SMARCAL1: variants seen among roughly 807,000 people sequenced by gnomAD.
The protein encoded by SMARCAL1 is SNF2 related chromatin remodeling annealing helicase 1.
A neutral mutation model predicts 94.5 loss-of-function variants in SMARCAL1; 58 were observed. That is an observed-to-expected ratio of 0.61 (90% CI 0.50 to 0.76). The LOEUF (loss-of-function observed/expected upper bound fraction) is 0.76. SMARCAL1 is among the 30% of genes least tolerant of loss of function. SMARCAL1 has a pLI of 0.00. For missense variants in SMARCAL1, 1,051 were observed against 1,177.9 expected (o/e 0.89, Z 1.58); for synonymous variants, 422 against 455.1 (o/e 0.93, Z 0.93).
At chr2:216,452,099 A>C (rs1694462383) in intron 12 of SMARCAL1, among the ~76,000 whole-genome samples, 1 of 152,258 alleles carries the variant, frequency 6.6e-6, no homozygotes, top group Non-Finnish European at 1.5e-5. Context: ...ATGCTGTATT[A>C]CATATAATAA....
intron 11 of SMARCAL1, 124 bp downstream of exon 11, chr2:216,447,282 A>G (rs1694339974): frequency 1.6e-6 from 2 of 1,226,768 alleles, no homozygotes; most frequent in South Asian, 2.4e-5. Context: ...AATGGATTTT[A>G]GTCTTTCTGT....
intron 7 of SMARCAL1, 124 bp downstream of exon 7, chr2:216,428,906 G>T: frequency 1.1e-6 from 1 of 910,096 alleles, no homozygotes; most frequent in Middle Eastern, 2.4e-4. Context: ...AAATTTAGAA[G>T]AGTCTAGGCA....
At chr2:216,462,178 T>G (rs1179153024) in intron 12 of SMARCAL1, among the ~76,000 whole-genome samples, 1 of 152,256 alleles carries the variant, frequency 6.6e-6, no homozygotes, top group African/African-American at 2.4e-5. Context: ...CTCTAGGTGC[T>G]AAATGTTAGA....
At chr2:216,448,276 G>C (rs1473490754) in intron 11 of SMARCAL1, among the ~76,000 whole-genome samples, 1 of 152,114 alleles carries the variant, frequency 6.6e-6, no homozygotes, top group Non-Finnish European at 1.5e-5. Flanking sequence ...TAGTTTTCAT[G>C]GTCCCTCAAA....
At chr2:216,434,851 A>AT (rs11408208) in intron 8 of SMARCAL1, among the ~76,000 whole-genome samples, 32,153 of 117,104 alleles carry the variant, frequency 0.27, 4,937 homozygotes, top group Non-Finnish European at 0.31. Context: ...ACAACTCTCT[A>AT]TTTTTTTTTT....
At chr2:216,464,770 A>C in intron 13 of SMARCAL1, 103 bp downstream of exon 13, 1 of 848,468 alleles carries the variant, frequency 1.2e-6, no homozygotes, top group East Asian at 2.4e-5. Context: ...GCGTCTAAGA[A>C]ATGACCAGAG....
chr2:216,432,675 C>T, intron 7 of SMARCAL1, 43 bp from the exon 8 acceptor site: 1 of 1,612,538 alleles, frequency 6.2e-7, no homozygotes, highest in Non-Finnish European at 8.5e-7. Flanking sequence ...CAGATGAACT[C>T]ATGCCCCGGG....
At chr2:216,470,443 C>A (rs1031299218) in intron 14 of SMARCAL1, among the ~76,000 whole-genome samples, 18 of 151,988 alleles carry the variant, frequency 1.2e-4, no homozygotes, top group Non-Finnish European at 2.9e-5. Context: ...ATGTGAGCCA[C>A]CAGGCCCAGC....
At chr2:216,439,637 T>C (rs1215171364) in intron 10 of SMARCAL1, among the ~76,000 whole-genome samples, 2 of 152,228 alleles carry the variant, frequency 1.3e-5, no homozygotes, top group African/African-American at 4.8e-5. Context: ...ATCTTAACAT[T>C]TCCTCACAAA....
chr2:216,463,305 T>C (rs1559135222), intron 12 of SMARCAL1, among the ~76,000 whole-genome samples: 1 of 152,170 alleles, frequency 6.6e-6, no homozygotes, highest in Non-Finnish European at 1.5e-5. Flanking sequence ...GACTGAGCCA[T>C]CTATAAACAG....
chr2:216,457,791 A>AAGCAGAAG (rs1189959643), intron 12 of SMARCAL1, among the ~76,000 whole-genome samples: 4 of 152,236 alleles, frequency 2.6e-5, no homozygotes, highest in Middle Eastern at 3.2e-3. Context: ...GAGAAGCAAG[A>AAGCAGAAG]GCAAACATTC....
intron 15 of SMARCAL1, among the ~76,000 whole-genome samples, chr2:216,476,904 G>C (rs1335442171): frequency 6.6e-6 from 1 of 152,166 alleles, no homozygotes; most frequent in African/African-American, 2.4e-5. Context: ...GGCTGTTTTG[G>C]GTTCTCTCTT....
intron 13 of SMARCAL1, among the ~76,000 whole-genome samples, chr2:216,466,875 A>G (rs1275200208): frequency 6.6e-6 from 1 of 152,224 alleles, no homozygotes; most frequent in African/African-American, 2.4e-5. Context: ...GGTCAGTCAT[A>G]GTGTTGTTTG....
At position 216,482,404 on chromosome 2, in the gene SMARCAL1, T is replaced by C. The variant is rs1455251471; in HGVS notation, c.2626-334T>C. Among the ~76,000 whole-genome samples, 1 of 152,252 alleles carries C rather than the reference T, an allele frequency of 6.6e-6. No individual in the cohort carries two copies. The highest frequency in any genetic ancestry group is 1.5e-5 in the Non-Finnish European group (1 of 68,048). ...GGAGGAAGTGAGATCTTGGGTGCTA[T>C]TTCAGTATTGAAATAATGATTTGGA... On this transcript the variant is annotated intron_variant, in intron 17 of 17. Transcript: ENST00000357276. The surrounding 1 kb of genome is among the most constrained non-coding windows in gnomAD (Gnocchi z 4.3).
In SMARCAL1 at chr2:216,414,759, A is replaced by C. The variant is rs960487871; in HGVS notation, c.55A>C (p.Lys19Gln). 6.2e-7 allele frequency: 1 copy of C among 1,614,182 alleles called. No individual in the cohort carries two copies. Among genetic ancestry groups the C allele is most frequent in the African/African-American group, 1.3e-5 (1 of 75,038 alleles). ...QRKKIEENRQ[K>Q]ALARRAEKLL... ...GAAAAAGATTGAAGAGAATCGACAA[A>C]AGGCTCTGGCCCGCAGAGCTGAGAA... The change falls in exon 3 of 18, where the codon AAG (lysine) becomes CAG (glutamine). Residue 19 changes from lysine (K) to glutamine (Q), a missense_variant. By Grantham distance (53) the Lys-to-Gln change is moderately conservative. This residue lies in a region of SMARCAL1 where 398 missense variants were observed against 395.2 expected (regional missense o/e 1.01). Transcript: ENST00000357276.
At chr2:216,450,747 G>A (rs1694430046) in intron 11 of SMARCAL1, 99 bp from the exon 12 acceptor site, 1 of 875,976 alleles carries the variant, frequency 1.1e-6, no homozygotes, top group Non-Finnish European at 1.9e-6. Context: ...GCTAAGCCAG[G>A]GGTGGTTGTG....
intron 8 of SMARCAL1, among the ~76,000 whole-genome samples, chr2:216,433,303 C>T (rs1694006292): frequency 6.6e-6 from 1 of 151,836 alleles, no homozygotes; most frequent in Non-Finnish European, 1.5e-5. Flanking sequence ...AGGCTGGTCC[C>T]AAACTCCTGG....
intron 10 of SMARCAL1, among the ~76,000 whole-genome samples, chr2:216,445,495 T>C (rs1694290573): frequency 6.6e-6 from 1 of 152,284 alleles, no homozygotes; most frequent in South Asian, 2.1e-4. Flanking sequence ...TTAATTTCCA[T>C]CATCTGATTC....
At chr2:216,434,585 C>T (rs929488113) in intron 8 of SMARCAL1, among the ~76,000 whole-genome samples, 3 of 151,916 alleles carry the variant, frequency 2.0e-5, no homozygotes, top group Non-Finnish European at 4.4e-5. Context: ...CCTGTAGTCT[C>T]AGCAACTTGG....
Sources: allele counts gnomAD v4.1 joint callset (sites outside exome capture counted in the v4.1 genomes callset), GRCh38; gene constraint gnomAD v4.1.1; regional missense constraint gnomAD v4.1.1; non-coding constraint Gnocchi (gnomAD v3.1); transcripts MANE v1.5; gene names NCBI Gene and HGNC (gene_info 2026-07-23, HGNC 2026-07-21).